The following TAMM41 variants were observed in gnomAD, a reference collection of about 807,000 sequenced individuals.
TAMM41 encodes the protein phosphatidate cytidylyltransferase, mitochondrial.
TAMM41 carries 36 observed loss-of-function variants against 44.1 expected under a neutral mutation model. The observed-to-expected ratio is 0.82, with a 90% CI of 0.63 to 1.08. TAMM41 has a LOEUF of 1.08. Among genes scored for constraint, TAMM41 ranks in the 50% least tolerant of loss-of-function variants. TAMM41 has a pLI of 0.00. For missense variants in TAMM41, 417 were observed against 404.3 expected, an observed-to-expected ratio of 1.03 and a Z score of -0.27; for synonymous variants, 164 against 153.1, an observed-to-expected ratio of 1.07 and a Z score of -0.53.
At chr3:11,786,031 T>C (rs185391768), downstream of TAMM41, among the ~76,000 whole-genome samples, 209 of 152,162 alleles carry the variant, frequency 1.4e-3, no homozygotes, top group African/African-American at 5.0e-3. Flanking sequence ...TCTTCTGAAC[T>C]GTGTACAAGT....
chr3:11,726,853 A>G, the TAMM41 span, among the ~76,000 whole-genome samples: 3 of 151,970 alleles, frequency 2.0e-5, no homozygotes, highest in Middle Eastern at 3.4e-3. Flanking sequence ...TGAAGAGTGA[A>G]CCAGATGTTT....
the TAMM41 span, among the ~76,000 whole-genome samples, chr3:11,747,252 G>A: frequency 1.3e-5 from 2 of 151,918 alleles, no homozygotes; most frequent in East Asian, 1.9e-4. Flanking sequence ...TAGTAGAGAC[G>A]GGGTTTCGCC....
At chr3:11,724,585 T>G in the TAMM41 span, among the ~76,000 whole-genome samples, 1 of 151,770 alleles carries the variant, frequency 6.6e-6, no homozygotes, top group East Asian at 1.9e-4. Context: ...CCAGCTAAGT[T>G]TTGTATTTTT....
At chr3:11,746,062 A>G in the TAMM41 span, among the ~76,000 whole-genome samples, 1 of 152,150 alleles carries the variant, frequency 6.6e-6, no homozygotes, top group Non-Finnish European at 1.5e-5. Context: ...GCACTTTGGG[A>G]GGCCGAGGCA....
chr3:11,759,136 GAATAT>G, the TAMM41 span, among the ~76,000 whole-genome samples: 335 of 152,144 alleles, frequency 2.2e-3, 2 homozygotes, highest in African/African-American at 7.7e-3. Flanking sequence ...GGAGATTAAA[GAATAT>G]AATGGTAAAA....
chr3:11,784,197 A>T, the TAMM41 span, among the ~76,000 whole-genome samples: 2 of 152,148 alleles, frequency 1.3e-5, no homozygotes. Context: ...CTACTGTGAT[A>T]TCATAACCTT....
At chr3:11,826,259 C>A (rs531824255) in intron 4 of TAMM41, among the ~76,000 whole-genome samples, 3 of 152,124 alleles carry the variant, frequency 2.0e-5, no homozygotes, top group African/African-American at 7.2e-5. Context: ...GGCAGCCAGG[C>A]GCAGTGGCCC....
chr3:11,728,116 A>G, the TAMM41 span, among the ~76,000 whole-genome samples: 1 of 152,118 alleles, frequency 6.6e-6, no homozygotes, highest in Non-Finnish European at 1.5e-5. Context: ...TCACATGTGA[A>G]TCTGCAACTA....
chr3:11,742,008 T>G, the TAMM41 span, among the ~76,000 whole-genome samples: 6 of 150,276 alleles, frequency 4.0e-5, no homozygotes, highest in African/African-American at 1.5e-4. Flanking sequence ...GCAATCGGTT[T>G]AAAGGGTATG....
chr3:11,833,092 A>T (rs1272015708), intron 3 of TAMM41: 11 of 1,277,644 alleles, frequency 8.6e-6, no homozygotes, highest in Non-Finnish European at 1.1e-5. Flanking sequence ...TCTCAGCAGC[A>T]CTGTTATTTG....
chr3:11,734,779 T>G, the TAMM41 span, among the ~76,000 whole-genome samples: 2 of 150,104 alleles, frequency 1.3e-5, no homozygotes, highest in African/African-American at 4.9e-5. Flanking sequence ...CTCACGCCTG[T>G]AATCCCAGCA....
the TAMM41 span, among the ~76,000 whole-genome samples, chr3:11,722,753 G>A: frequency 6.6e-6 from 1 of 151,692 alleles, no homozygotes. Flanking sequence ...GGCGAATCAC[G>A]AGGTCAGGAG....
the TAMM41 span, among the ~76,000 whole-genome samples, chr3:11,772,595 T>G: frequency 6.6e-6 from 1 of 152,214 alleles, no homozygotes; most frequent in Non-Finnish European, 1.5e-5. Flanking sequence ...ATCTGATCCT[T>G]GGTTGATGGA....
chr3:11,770,705 T>C, the TAMM41 span, among the ~76,000 whole-genome samples: 1 of 152,092 alleles, frequency 6.6e-6, no homozygotes, highest in Non-Finnish European at 1.5e-5. Flanking sequence ...GAAGGTGTGT[T>C]GGGCGTGAAC....
chr3:11,842,254 T>C (rs142232102), intron 2 of TAMM41, among the ~76,000 whole-genome samples: 51 of 151,898 alleles, frequency 3.4e-4, no homozygotes, highest in African/African-American at 1.2e-3. Flanking sequence ...CTGGACATGA[T>C]TACAGTAGTG....
At chr3:11,768,113 A>G in the TAMM41 span, among the ~76,000 whole-genome samples, 13 of 148,566 alleles carry the variant, frequency 8.8e-5, no homozygotes, top group Non-Finnish European at 1.8e-4. Flanking sequence ...CCATTTGCAT[A>G]TCTTCTTTGG....
At chr3:11,846,423 T>G in intron 1 of TAMM41, 79 bp downstream of exon 1, 2 of 1,542,918 alleles carry the variant, frequency 1.3e-6, no homozygotes, top group Non-Finnish European at 1.8e-6. Flanking sequence ...CAGGCAGCTC[T>G]CCGACTCTGA....
At chr3:11,728,746 C>T in the TAMM41 span, among the ~76,000 whole-genome samples, 2 of 152,176 alleles carry the variant, frequency 1.3e-5, no homozygotes, top group African/African-American at 2.4e-5. Flanking sequence ...CGGTAACTCA[C>T]GCCTGAAATC....
At chr3:11,742,824 G>C in the TAMM41 span, among the ~76,000 whole-genome samples, 1 of 151,854 alleles carries the variant, frequency 6.6e-6, no homozygotes, top group African/African-American at 2.4e-5. Flanking sequence ...TCGAACTCCA[G>C]GACTCAAGCG....
Sources: gnomAD v4.1 joint callset for allele counts (sites outside exome capture counted in the v4.1 genomes callset) on GRCh38, gnomAD v4.1.1 for gene constraint, MANE v1.5 for transcripts, NCBI Gene and HGNC (gene_info 2026-07-23, HGNC 2026-07-21) for gene names.